The following ZEB2 variants were observed in gnomAD, a reference collection of about 807,000 sequenced individuals.
ZEB2 encodes the protein zinc finger E-box binding homeobox 2, also known as zinc finger E-box-binding homeobox 2.
In ZEB2, 6 loss-of-function variants were observed where a neutral mutation model predicts 99.9. The ratio of observed to expected loss-of-function variants is 0.06; its 90% CI spans 0.03 to 0.12. The LOEUF (loss-of-function observed/expected upper bound fraction) is 0.12, where lower values mean the gene tolerates loss of function less well. ZEB2 is among the 10% of genes least tolerant of loss of function. The pLI is 1.00. For missense variants in ZEB2, 969 were observed against 1,502.8 expected, an observed-to-expected ratio of 0.64 and a Z score of 5.87; for synonymous variants, 517 against 542.5, an observed-to-expected ratio of 0.95 and a Z score of 0.65.
chr2:144,430,143 A>T, intron 2 of ZEB2, 117 bp from the exon 3 acceptor site: 1 of 1,402,936 alleles, frequency 7.1e-7, no homozygotes, highest in Non-Finnish European at 9.8e-7. Context: ...TTACTCAACC[A>T]TGTCAGGAAA....
chr2:144,458,864 G>A (rs1381041752), intron 2 of ZEB2, among the ~76,000 whole-genome samples: 2 of 152,148 alleles, frequency 1.3e-5, no homozygotes, highest in Admixed American at 6.6e-5. Context: ...GACAAAGGAC[G>A]AAGACCAGAA....
rs1459619968 is a variant in ZEB2, at chr2:144,404,970, A to G, written c.458T>C (p.Leu153Pro). The change falls in exon 5 of 10, where the codon CTG becomes CCG. Residue 153 changes from leucine to proline, a missense_variant. This residue lies in a region of ZEB2 where 173 missense variants were observed against 217.7 expected (regional missense o/e 0.79). Coordinates refer to ENST00000627532, the MANE Select transcript of ZEB2 (RefSeq NM_014795.4). ...DFEEYFAKRK[L>P]EERDGHAVSI... is the part of the protein sequence containing the mutation. ...GACTGCATGACCATCGCGTTCCTCC[A>G]GTTTTCTTTTGGCAAAGTATTCCTC... 1 of 1,614,206 alleles carries G rather than the reference A, an allele frequency of 6.2e-7. No individual in the cohort carries two copies.
chr2:144,420,462 G>A (rs1233183666), intron 4 of ZEB2, among the ~76,000 whole-genome samples: 1 of 152,180 alleles, frequency 6.6e-6, no homozygotes, highest in Non-Finnish European at 1.5e-5. Flanking sequence ...GTCAGCCAAT[G>A]AGGTAGATAC....
At chr2:144,459,595 T>C (rs1704164906) in intron 2 of ZEB2, among the ~76,000 whole-genome samples, 1 of 152,146 alleles carries the variant, frequency 6.6e-6, no homozygotes, top group African/African-American at 2.4e-5. Context: ...CTTATCAACA[T>C]ACTAAAAAAA....
chr2:144,505,688 C>T (rs925987471), intron 2 of ZEB2, among the ~76,000 whole-genome samples: 1 of 152,126 alleles, frequency 6.6e-6, no homozygotes, highest in Non-Finnish European at 1.5e-5. Context: ...ATCACTCTGT[C>T]CCAGAGGAGG....
chr2:144,514,096 A>AGC (rs1705091247), intron 2 of ZEB2: 1 of 377,956 alleles, frequency 2.6e-6, no homozygotes, highest in Admixed American at 4.4e-5. Context: ...TGGCCCTGGC[A>AGC]CTGCCTCTGC....
Position 144,399,046 on chromosome 2 carries a change from G to A in ZEB2, c.2141C>T (p.Pro714Leu), listed in dbSNP as rs112581563. ...RSPSLERSSK[P>L]LAPNSNPPTK... ...GGGAGGGTTACTGTTGGGAGCTAAC[G>A]GCTTGGAGCTTCTTTCCAGGGATGG... The change falls in exon 8 of 10, where the codon CCG becomes CTG. Residue 714 changes from proline (P) to leucine (L), a missense_variant. Transcript: ENST00000627532. This position sits in a 1 kb window ranked among gnomAD's most constrained non-coding sequence, Gnocchi z 5.6. 3.1e-3 allele frequency: 5,013 copies of A among 1,614,076 alleles called. 11 individuals are homozygous for A. The highest frequency in any genetic ancestry group is 3.5e-3 in the Non-Finnish European group (4,102 of 1,179,948).
At chr2:144,456,102 CAA>C (rs2149902069) in intron 2 of ZEB2, among the ~76,000 whole-genome samples, 1 of 151,268 alleles carries the variant, frequency 6.6e-6, no homozygotes, top group South Asian at 2.1e-4. Flanking sequence ...AAATCCATCC[CAA>C]GTTTGTTCCA....
intron 2 of ZEB2, among the ~76,000 whole-genome samples, chr2:144,486,830 C>T (rs1045533809): frequency 7.2e-5 from 11 of 152,186 alleles, no homozygotes; most frequent in African/African-American, 2.6e-4. Flanking sequence ...CAAAACTAAA[C>T]AAAAACCTAA....
intron 2 of ZEB2, among the ~76,000 whole-genome samples, chr2:144,487,161 T>TA (rs1704610454): frequency 6.6e-6 from 1 of 152,162 alleles, no homozygotes; most frequent in Non-Finnish European, 1.5e-5. Context: ...CTTTTTTTTT[T>TA]AACTTCTGAT....
chr2:144,430,012 TGTCATA>T lies in ZEB2; in HGVS notation c.82_87del (p.Tyr28_Asp29del), dbSNP rs730881214. 1.2e-5 allele frequency: 19 copies of T among 1,613,486 alleles called. No individual in the cohort carries two copies. Among genetic ancestry groups the T allele is most frequent in the Middle Eastern group, 1.7e-4 (1 of 6,058 alleles). Reference sequence around the variant, plus strand: ...GTTTCAGAACCTGTGTCCACTACATTGTCATAGTTCACCACTGCAGAAGAAGCACAA... The same window carrying T: ...GTTTCAGAACCTGTGTCCACTACATTGTTCACCACTGCAGAAGAAGCACAA... On this transcript the variant is annotated inframe_deletion, in exon 3 of 10. Coordinates refer to ENST00000627532, the MANE Select transcript of ZEB2 (RefSeq NM_014795.4).
chr2:144,506,786 G>C (rs1413277149), intron 2 of ZEB2, among the ~76,000 whole-genome samples: 2 of 152,108 alleles, frequency 1.3e-5, no homozygotes, highest in African/African-American at 4.8e-5. Flanking sequence ...TTTGGGAGGA[G>C]GGGGTGGCTA....
chr2:144,503,285 G>A (rs1280851540), intron 2 of ZEB2, among the ~76,000 whole-genome samples: 1 of 152,158 alleles, frequency 6.6e-6, no homozygotes, highest in Non-Finnish European at 1.5e-5. Context: ...CAGAATTTAA[G>A]TTTTAATATC....
rs1456601363 is a variant in ZEB2, at chr2:144,389,530, G to A, written c.3566C>T (p.Ser1189Phe). Reference protein sequence around the residue: ...IRDEEETGDHSMDDSSEDGKM... With the variant: ...IRDEEETGDHFMDDSSEDGKM... The stretch of plus-strand genomic sequence containing the variant: ...CCCATCCTCCGAACTATCGTCCATG[G>A]AGTGATCTCCAGTCTCTTCTTCATC... The change falls in exon 10 of 10, where the codon TCC becomes TTC. Residue 1189 changes from serine to phenylalanine, a missense_variant. This residue lies in a region of ZEB2 where 121 missense variants were observed against 166.4 expected (regional missense o/e 0.73). Coordinates refer to ENST00000627532, the MANE Select transcript of ZEB2 (RefSeq NM_014795.4). The surrounding 1 kb of genome is among the most constrained non-coding windows in gnomAD (Gnocchi z 6.8). The A allele has an allele frequency of 1.2e-6, 2 of 1,613,876 alleles. No individual in the cohort carries two copies. Among genetic ancestry groups the A allele is most frequent in the African/African-American group, 1.3e-5 (1 of 74,850 alleles).
chr2:144,432,931 T>C (rs1055525919), intron 2 of ZEB2, among the ~76,000 whole-genome samples: 4 of 152,214 alleles, frequency 2.6e-5, no homozygotes, highest in African/African-American at 9.7e-5. Context: ...TTTGAACTTA[T>C]GATATATATC....
At chr2:144,438,372 G>A (rs184320758) in intron 2 of ZEB2, among the ~76,000 whole-genome samples, 2 of 152,198 alleles carry the variant, frequency 1.3e-5, no homozygotes, top group Admixed American at 1.3e-4. Context: ...GGTAGCAAGA[G>A]GTGTGGCTCA....
intron 2 of ZEB2, chr2:144,494,771 G>A (rs1441325754): frequency 6.6e-6 from 1 of 152,070 alleles, no homozygotes; most frequent in Non-Finnish European, 1.5e-5. Flanking sequence ...ACGTAATCCT[G>A]TTACCTGTGA....
At chr2:144,515,797 T>TAGAG (rs10639317) in intron 2 of ZEB2, among the ~76,000 whole-genome samples, 2,053 of 146,804 alleles carry the variant, frequency 0.014, 7 homozygotes, top group East Asian at 0.024. Context: ...ACACAAAACC[T>TAGAG]AGAGAGAGAG....
At chr2:144,397,913 T>C (rs1703251931) in intron 8 of ZEB2, 1 of 341,872 alleles carries the variant, frequency 2.9e-6, no homozygotes, top group African/African-American at 2.2e-5. Context: ...AGTGCTGGGA[T>C]TACAGGCATG....
Sources: gnomAD v4.1 joint callset for allele counts (sites outside exome capture counted in the v4.1 genomes callset) on GRCh38, gnomAD v4.1.1 for gene constraint, gnomAD v4.1.1 regional missense constraint, Gnocchi (gnomAD v3.1) non-coding constraint, MANE v1.5 for transcripts, NCBI Gene and HGNC (gene_info 2026-07-23, HGNC 2026-07-21) for gene names.